CFAP57: variants seen among roughly 807,000 people sequenced by gnomAD.
The protein encoded by CFAP57 is cilia and flagella associated protein 57.
CFAP57 carries 116 observed loss-of-function variants against 146.8 expected under a neutral mutation model. That is an observed-to-expected ratio of 0.79 (90% confidence interval 0.68 to 0.92). CFAP57 has a LOEUF of 0.92. Ranked by LOEUF, CFAP57 falls within the 40% of genes least tolerant of loss-of-function variation. CFAP57 has a pLI of 0.00. For missense variants in CFAP57, 1,377 were observed against 1,527.2 expected, an observed-to-expected ratio of 0.90 and a Z score of 1.64; for synonymous variants, 518 against 552.8, an observed-to-expected ratio of 0.94 and a Z score of 0.88.
chr1:43,242,969 ATTG>A (rs1336521662), intron 21 of CFAP57, among the ~76,000 whole-genome samples: 2 of 152,136 alleles, frequency 1.3e-5, no homozygotes, highest in African/African-American at 4.8e-5. Flanking sequence ...ATGGAAAAGC[ATTG>A]TTGTTGCTGT....
At chr1:43,251,686 C>T (rs1007074521) in intron 22 of CFAP57, among the ~76,000 whole-genome samples, 2 of 152,236 alleles carry the variant, frequency 1.3e-5, no homozygotes, top group African/African-American at 4.8e-5. Context: ...TTGTATACTA[C>T]ATGGCTCAAC....
chr1:43,229,506 G>A (rs938643804), intron 18 of CFAP57, among the ~76,000 whole-genome samples: 1 of 148,442 alleles, frequency 6.7e-6, no homozygotes, highest in Admixed American at 6.6e-5. Context: ...CTCCTGTAAA[G>A]GTCTTTTTCT....
intron 3 of CFAP57, 84 bp from the exon 4 acceptor site, chr1:43,183,503 GAAAT>G (rs1645504365): frequency 8.0e-7 from 1 of 1,250,924 alleles, no homozygotes; most frequent in Non-Finnish European, 1.1e-6. Flanking sequence ...TGAGCAGCCT[GAAAT>G]AAATATTAAT....
At chr1:43,174,709 G>A (rs770513598) in intron 2 of CFAP57, among the ~76,000 whole-genome samples, 5 of 152,124 alleles carry the variant, frequency 3.3e-5, no homozygotes, top group Non-Finnish European at 7.4e-5. Context: ...CCAGCTACTC[G>A]GGAGGCTGAA....
chr1:43,195,179 A>G (rs774206197), intron 6 of CFAP57, among the ~76,000 whole-genome samples: 13 of 152,210 alleles, frequency 8.5e-5, no homozygotes, highest in Non-Finnish European at 1.6e-4. Flanking sequence ...CTTGTTATCC[A>G]GTAGTCTGCA....
chr1:43,221,316 C>A, intron 13 of CFAP57, 56 bp from the exon 14 acceptor site: 1 of 1,323,832 alleles, frequency 7.6e-7, no homozygotes, highest in Non-Finnish European at 1.0e-6. Flanking sequence ...TCAGTTCTTG[C>A]CCTAGTAGTG....
chr1:43,192,500 A>C (rs898266278), intron 6 of CFAP57, among the ~76,000 whole-genome samples: 1 of 151,562 alleles, frequency 6.6e-6, no homozygotes, highest in South Asian at 2.1e-4. Flanking sequence ...GCGCATGCCT[A>C]TAATCCCAGC....
chr1:43,172,707 T>G lies in CFAP57; in HGVS notation c.-19-28T>G, dbSNP rs777821989. ...GTCGGAGCGGGGCGGTGCTCTCCAC[T>G]CTGAAGCGCTGCCTTGGTCTTCAGC... On this transcript the variant is annotated intron_variant, in intron 1 of 22. Coordinates refer to ENST00000372492, the MANE Select transcript of CFAP57 (RefSeq NM_001378189.1). 7.4e-6 allele frequency: 12 copies of G among 1,611,984 alleles called. No homozygotes were observed. In the East Asian group the frequency reaches 2.7e-4, roughly 36 times the overall value.
At chr1:43,172,696 G>C in intron 1 of CFAP57, 39 bp from the exon 2 acceptor site, 1 of 1,608,660 alleles carries the variant, frequency 6.2e-7, no homozygotes. Context: ...GAGCGGGGCG[G>C]TGCTCTCCAC....
At chr1:43,176,476 G>A (rs949164583) in intron 2 of CFAP57, among the ~76,000 whole-genome samples, 3 of 152,186 alleles carry the variant, frequency 2.0e-5, no homozygotes, top group Admixed American at 6.5e-5. Context: ...GGCTCACAGA[G>A]CCTCAGTCTC....
chr1:43,174,162 A>G (rs1210768947), intron 2 of CFAP57, among the ~76,000 whole-genome samples: 3 of 151,956 alleles, frequency 2.0e-5, no homozygotes, highest in Non-Finnish European at 1.5e-5. Flanking sequence ...CTGTATATCA[A>G]TAATTTGTCA....
At chr1:43,172,553 G>A (rs1051545666) in intron 1 of CFAP57, 100 bp downstream of exon 1, 254 of 977,028 alleles carry the variant, frequency 2.6e-4, no homozygotes, top group Non-Finnish European at 3.4e-4. Flanking sequence ...GTGGCGCGGA[G>A]GAGGACCCCG....
chr1:43,191,514 G>A (rs1279223980), intron 6 of CFAP57, among the ~76,000 whole-genome samples: 1 of 148,772 alleles, frequency 6.7e-6, no homozygotes, highest in Non-Finnish European at 1.5e-5. Context: ...GTGAACCCGG[G>A]AAGCAGGGCT....
Position 43,243,247 on chromosome 1 carries a change from G to C in CFAP57, c.3426G>C (p.Lys1142Asn), listed in dbSNP as rs1458760648. ...TGCAGGAAAATGTCTCTCTGATCAA[G>C]GAAATTAATGAGCTCCGCAGGGAGC... is the stretch of plus-strand genomic sequence containing the variant. ...RIMQENVSLI[K>N]EINELRRELK... is the part of the protein sequence containing the mutation. Residue 1142 changes from lysine (K) to asparagine (N), a missense_variant, in exon 22 of 23, where the codon AAG (lysine) becomes AAC (asparagine). Coordinates refer to ENST00000372492, the MANE Select transcript of CFAP57 (RefSeq NM_001378189.1). 4 of 1,549,906 alleles carry C rather than the reference G, an allele frequency of 2.6e-6. No homozygotes were observed. Among genetic ancestry groups the C allele is most frequent in the Non-Finnish European group, 3.5e-6 (4 of 1,146,718 alleles).
At position 43,185,299 on chromosome 1, in the gene CFAP57, TCTG is replaced by T. The variant is rs1429060933; in HGVS notation, c.916_918del (p.Leu306del). 1.2e-6 allele frequency: 2 copies of T among 1,613,960 alleles called. No individual in the cohort carries two copies. Among genetic ancestry groups the T allele is most frequent in the Non-Finnish European group, 1.7e-6 (2 of 1,180,026 alleles). On this transcript the variant is annotated inframe_deletion, in exon 5 of 23. Coordinates refer to ENST00000372492, the MANE Select transcript of CFAP57 (RefSeq NM_001378189.1). ...CCTGTTCTGCTGGGCCAGGGAGAGT[TCTG>T]CTGTTTGAGAAGATGGAAGAAAAGG...
rs538839443 is a variant in CFAP57 at position 43,233,430 on chromosome 1, C to T, written c.3126+806C>T. On this transcript the variant is annotated intron_variant, in intron 19 of 22. Transcript: ENST00000372492. The stretch of plus-strand genomic sequence containing the variant: ...CTTGAACCTGGGAGGCGGAGGTTGC[C>T]GTGAGCCAAGATTGCAACACCGCAC... Among the ~76,000 whole-genome samples, 452 of 151,482 alleles carry T rather than the reference C, an allele frequency of 3.0e-3. 1 individual carries two copies. The highest frequency in any genetic ancestry group is 0.011 in the African/African-American group (433 of 41,210).
intron 9 of CFAP57, among the ~76,000 whole-genome samples, chr1:43,205,934 GA>G (rs1325070248): frequency 6.6e-6 from 1 of 152,102 alleles, no homozygotes; most frequent in East Asian, 1.9e-4. Context: ...AGATTTTCTT[GA>G]ATAAATGTTT....
chr1:43,180,473 G>A (rs1427102703), intron 2 of CFAP57, among the ~76,000 whole-genome samples: 2 of 151,986 alleles, frequency 1.3e-5, no homozygotes, highest in Non-Finnish European at 1.5e-5. Flanking sequence ...GGCAGGGAGC[G>A]TGAGTGAGGC....
intron 2 of CFAP57, among the ~76,000 whole-genome samples, 178 bp downstream of exon 2, chr1:43,173,088 A>T (rs1645039724): frequency 6.6e-6 from 1 of 152,238 alleles, no homozygotes; most frequent in Non-Finnish European, 1.5e-5. Flanking sequence ...TCAGTCACGC[A>T]TATGTAGTTA....
Sources: allele counts gnomAD v4.1 joint callset (sites outside exome capture counted in the v4.1 genomes callset), GRCh38; gene constraint gnomAD v4.1.1; transcripts MANE v1.5; gene names NCBI Gene and HGNC (gene_info 2026-07-23, HGNC 2026-07-21).